The following PPIL2 variants were observed in gnomAD, a reference collection of about 807,000 sequenced individuals.
The protein encoded by PPIL2 is peptidylprolyl isomerase like 2, also known as RING-type E3 ubiquitin-protein ligase PPIL2.
PPIL2 carries 50 observed loss-of-function variants against 75.2 expected under a neutral mutation model. The ratio of observed to expected loss-of-function variants is 0.66; its 90% CI spans 0.53 to 0.84. The LOEUF (loss-of-function observed/expected upper bound fraction) is 0.84. Among genes scored for constraint, PPIL2 ranks in the 40% least tolerant of loss-of-function variants. The pLI, the probability that PPIL2 is intolerant of heterozygous loss-of-function variation, is 0.00. For synonymous variants in PPIL2, 245 were observed against 258.8 expected (o/e 0.95, Z 0.51); for missense variants, 590 against 685.0 (o/e 0.86, Z 1.55).
At chr22:21,687,845 T>A in intron 13 of PPIL2, 113 bp downstream of exon 13, 1 of 1,143,248 alleles carries the variant, frequency 8.7e-7, no homozygotes, top group Non-Finnish European at 1.3e-6. Context: ...GTGGCCAGGA[T>A]GAGTCCAGTT....
intron 6 of PPIL2, among the ~76,000 whole-genome samples, chr22:21,676,981 G>C (rs2066890094): frequency 6.6e-6 from 1 of 150,888 alleles, no homozygotes; most frequent in South Asian, 2.1e-4. Flanking sequence ...GGCCAGGCGG[G>C]GGCTGCCCCC....
chr22:21,668,451 C>T (rs180865372), intron 1 of PPIL2, among the ~76,000 whole-genome samples: 221 of 151,176 alleles, frequency 1.5e-3, no homozygotes, highest in Non-Finnish European at 2.5e-3. Flanking sequence ...ACGGTGAAAC[C>T]CCATCTCTAC....
intron 6 of PPIL2, among the ~76,000 whole-genome samples, chr22:21,680,829 C>CAAAAA (rs762340467): frequency 6.1e-4 from 31 of 50,784 alleles, no homozygotes; most frequent in Admixed American, 1.5e-3. Context: ...GACTCCATCT[C>CAAAAA]AAAAAAAAAA....
Position 21,672,368 on chromosome 22 carries a change from C to A in PPIL2, c.230C>A (p.Pro77His), listed in dbSNP as rs372075996. Residue 77 changes from proline (P) to histidine (H), a missense_variant, in exon 5 of 20, where the codon CCC (proline) becomes CAC (histidine). Physicochemically the swap from Pro to His is moderately conservative, Grantham distance 77 (BLOSUM62 -2). Coordinates refer to ENST00000398831, the MANE Select transcript of PPIL2 (RefSeq NM_014337.4). ...VPWLKKYGTN[P>H]SNGEKLDGRS... is the part of the protein sequence containing the mutation. Reference sequence around the variant, plus strand: ...TGGCTTAAGAAGTACGGGACCAACCCCAGCAATGGAGAGGTAGGTGGCTGT... The same window carrying A: ...TGGCTTAAGAAGTACGGGACCAACCACAGCAATGGAGAGGTAGGTGGCTGT... The A allele has an allele frequency of 2.8e-5, 45 of 1,610,380 alleles. No homozygotes were observed. Among genetic ancestry groups the A allele is most frequent in the Non-Finnish European group, 3.8e-5 (45 of 1,176,744 alleles).
In PPIL2 at chr22:21,696,922, T is replaced by A; in HGVS notation, c.*1432T>A. Reference sequence around the variant, plus strand: ...CCACTAGAGGTATGTCTGCCCCTCGTCACCCTGCTGCACACCAATCTGTGG... The same window carrying A: ...CCACTAGAGGTATGTCTGCCCCTCGACACCCTGCTGCACACCAATCTGTGG... On this transcript the variant is annotated 3_prime_UTR_variant, in exon 20 of 20. Transcript: ENST00000398831. 1.3e-6 allele frequency: 2 copies of A among 1,589,936 alleles called. No homozygotes were observed. Among genetic ancestry groups the A allele is most frequent in the Non-Finnish European group, 1.7e-6 (2 of 1,168,718 alleles).
At position 21,681,290 on chromosome 22, in the gene PPIL2, T is replaced by C; in HGVS notation, c.296-9T>C. 6.2e-7 allele frequency: 1 copy of C among 1,608,696 alleles called. No homozygotes were observed. Among genetic ancestry groups the C allele is most frequent in the Non-Finnish European group, 8.5e-7 (1 of 1,175,038 alleles). ...GTGACTGGCCTCCCTGTGTGTGCCT[T>C]CTCTCTAGGGAAGTACCACTGCCCA... On this transcript the variant is annotated splice_polypyrimidine_tract_variant and intron_variant, in intron 6 of 19. Coordinates refer to ENST00000398831, the MANE Select transcript of PPIL2 (RefSeq NM_014337.4).
intron 1 of PPIL2, among the ~76,000 whole-genome samples, chr22:21,668,514 A>C (rs1008050726): frequency 2.0e-5 from 3 of 150,760 alleles, no homozygotes; most frequent in Non-Finnish European, 4.4e-5. Context: ...CTGTAGTACC[A>C]GCTACTCGGG....
chr22:21,687,591 A>C, intron 12 of PPIL2, 52 bp from the exon 13 acceptor site: 8 of 555,524 alleles, frequency 1.4e-5, no homozygotes, highest in Non-Finnish European at 2.3e-5. Flanking sequence ...GGCTGTGGTG[A>C]GCTGCCTTTG....
At chr22:21,687,931 G>A in intron 13 of PPIL2, 142 bp from the exon 14 acceptor site, 3 of 1,187,844 alleles carry the variant, frequency 2.5e-6, no homozygotes, top group East Asian at 4.7e-5. Context: ...CACAAAGGGA[G>A]GTGGCTGGGA....
chr22:21,687,022 C>T (rs772070294), intron 12 of PPIL2, 24 bp downstream of exon 12: 1 of 1,596,310 alleles, frequency 6.3e-7, no homozygotes, highest in South Asian at 1.1e-5. Flanking sequence ...CCAGCCACTC[C>T]CCATGCCCCA....
chr22:21,669,345 C>T (rs1412018628), intron 1 of PPIL2: 8 of 452,476 alleles, frequency 1.8e-5, no homozygotes, highest in East Asian at 1.4e-4. Flanking sequence ...GACAGATTCT[C>T]GCTTTGTTGC....
chr22:21,679,141 C>T (rs1264896465), intron 6 of PPIL2, among the ~76,000 whole-genome samples: 1 of 152,028 alleles, frequency 6.6e-6, no homozygotes, highest in Non-Finnish European at 1.5e-5. Flanking sequence ...GGTGATCCTC[C>T]CGCCTCTGCC....
At chr22:21,682,602 C>G (rs1367551485) in intron 8 of PPIL2, 76 bp downstream of exon 8, 3 of 1,235,514 alleles carry the variant, frequency 2.4e-6, no homozygotes, top group Non-Finnish European at 3.5e-6. Context: ...GGGCCCTACC[C>G]CCACGTCAGG....
chr22:21,681,495 G>C (rs1010459586), intron 7 of PPIL2, 105 bp downstream of exon 7: 3 of 1,038,466 alleles, frequency 2.9e-6, no homozygotes, highest in East Asian at 2.6e-5. Context: ...GCCTGTCCTC[G>C]TGGGGTTTAC....
In PPIL2 at chr22:21,686,628, G is replaced by T. The variant is rs988500862; in HGVS notation, c.790+70G>T. 34 of 1,453,814 alleles carry T rather than the reference G, an allele frequency of 2.3e-5. No individual in the cohort carries two copies. In the East Asian group the frequency reaches 3.2e-4, roughly 14 times the overall value. The allele number at this position is 1,453,814 out of a possible 1,614,324, so 90.1% of individuals were successfully genotyped here. A position where few individuals can be genotyped will look rare whatever the true frequency, so the allele number is the denominator to read the frequency against. ...GTGGCAGGGGGTGGGTGTGCTCCCCGACTCCCACTTTATTGGTCTGTCAGG... is the reference window on the plus strand; with the variant it reads ...GTGGCAGGGGGTGGGTGTGCTCCCCTACTCCCACTTTATTGGTCTGTCAGG... On this transcript the variant is annotated intron_variant, in intron 11 of 19. Coordinates refer to ENST00000398831, the MANE Select transcript of PPIL2 (RefSeq NM_014337.4).
chr22:21,692,005 C>A (rs1357594744), intron 15 of PPIL2, among the ~76,000 whole-genome samples: 1 of 152,166 alleles, frequency 6.6e-6, no homozygotes, highest in Non-Finnish European at 1.5e-5. Context: ...TGCCTGCCTG[C>A]ACCACCCTGG....
chr22:21,682,857 C>T (rs1810940583), intron 8 of PPIL2, among the ~76,000 whole-genome samples: 2 of 152,264 alleles, frequency 1.3e-5, no homozygotes, highest in Non-Finnish European at 2.9e-5. Flanking sequence ...TTGTCCCATT[C>T]TAACCAGAGG....
At chr22:21,674,688 G>A (rs1438110450) in intron 5 of PPIL2, among the ~76,000 whole-genome samples, 1 of 152,054 alleles carries the variant, frequency 6.6e-6, no homozygotes, top group East Asian at 1.9e-4. Flanking sequence ...TGACAGAGAG[G>A]GACTCTGTGT....
chr22:21,678,918 T>TG (rs2148524483), intron 6 of PPIL2, among the ~76,000 whole-genome samples: 1 of 143,998 alleles, frequency 6.9e-6, no homozygotes, highest in Admixed American at 7.1e-5. Context: ...TTTTTTGAGA[T>TG]GGAGTTTCGC....
Sources: allele counts gnomAD v4.1 joint callset (sites outside exome capture counted in the v4.1 genomes callset), GRCh38; gene constraint gnomAD v4.1.1; transcripts MANE v1.5; gene names NCBI Gene and HGNC (gene_info 2026-07-23, HGNC 2026-07-21).